Variants in PDZRN4 observed in about 807,000 individuals in gnomAD.
PDZRN4 encodes the protein PDZ domain-containing RING finger protein 4.
PDZRN4 carries 70 observed loss-of-function variants against 99.0 expected under a neutral mutation model. The observed-to-expected ratio is 0.71, with a 90% CI of 0.58 to 0.86. The LOEUF (loss-of-function observed/expected upper bound fraction) is 0.86. PDZRN4 is among the 40% of genes least tolerant of loss of function. The pLI, the probability that PDZRN4 is intolerant of heterozygous loss-of-function variation, is 0.00. For missense variants in PDZRN4, 1,474 were observed against 1,331.2 expected, an observed-to-expected ratio of 1.11 and a Z score of -1.67; for synonymous variants, 551 against 501.6, an observed-to-expected ratio of 1.10 and a Z score of -1.32.
At chr12:41,337,177 TA>T (rs1290243961) in intron 3 of PDZRN4, among the ~76,000 whole-genome samples, 1 of 152,122 alleles carries the variant, frequency 6.6e-6, no homozygotes, top group Non-Finnish European at 1.5e-5. Context: ...AAGGACAGCT[TA>T]AAAGTTAGAA....
chr12:41,243,091 AG>A (rs2120787441), intron 3 of PDZRN4, among the ~76,000 whole-genome samples: 1 of 152,210 alleles, frequency 6.6e-6, no homozygotes, highest in South Asian at 2.1e-4. Flanking sequence ...TAGATCAAAA[AG>A]TTTTTGAGTG....
At chr12:41,541,403 C>T (rs1938851660) in intron 5 of PDZRN4, among the ~76,000 whole-genome samples, 1 of 151,960 alleles carries the variant, frequency 6.6e-6, no homozygotes, top group African/African-American at 2.4e-5. Context: ...TAACCCTTAC[C>T]ACCATAGTAT....
chr12:41,188,370 C>T lies in PDZRN4; in HGVS notation c.-86C>T. The T allele has an allele frequency of 7.6e-7, 1 of 1,307,214 alleles. No homozygotes were observed. The highest frequency in any genetic ancestry group is 2.9e-5 in the Admixed American group (1 of 34,852). 81.0% of individuals were successfully genotyped at this position (1,307,214 alleles called of 1,614,324 possible). On this transcript the variant is annotated 5_prime_UTR_variant, in exon 1 of 10. Transcript: ENST00000402685. ...CTCCACTGCCGCCGCCGCGAGACGG[C>T]TGCCCCGGGGGTGGCCCGGGGAAGG...
At chr12:41,393,313 A>G (rs918865631) in intron 3 of PDZRN4, among the ~76,000 whole-genome samples, 5 of 152,198 alleles carry the variant, frequency 3.3e-5, no homozygotes, top group African/African-American at 1.2e-4. Context: ...ATGCACGAAC[A>G]TATTAGATTT....
chr12:41,207,720 A>G (rs1393654495), intron 3 of PDZRN4, among the ~76,000 whole-genome samples: 1 of 151,848 alleles, frequency 6.6e-6, no homozygotes, highest in East Asian at 1.9e-4. Context: ...TAACAAACAC[A>G]TTGGTGCAAT....
At chr12:41,414,597 G>C (rs536778049) in intron 3 of PDZRN4, among the ~76,000 whole-genome samples, 39 of 151,848 alleles carry the variant, frequency 2.6e-4, no homozygotes, top group Non-Finnish European at 5.0e-4. Flanking sequence ...AACAAAGACG[G>C]ATGTCTTCCA....
chr12:41,367,983 A>G (rs1464201688), intron 3 of PDZRN4, among the ~76,000 whole-genome samples: 1 of 152,108 alleles, frequency 6.6e-6, no homozygotes, highest in Admixed American at 6.5e-5. Flanking sequence ...AGTACAGAGT[A>G]GGAAATACGA....
intron 4 of PDZRN4, 87 bp downstream of exon 4, chr12:41,506,799 G>C (rs1938214945): frequency 6.9e-7 from 1 of 1,443,872 alleles, no homozygotes; most frequent in Non-Finnish European, 9.4e-7. Context: ...TCCACTAGCA[G>C]GTTGACAGTT....
In PDZRN4 at chr12:41,336,156, T is replaced by C. The variant is rs187566872; in HGVS notation, c.843+141968T>C. 1.3e-3 allele frequency among the ~76,000 whole-genome samples: 198 copies of C among 152,228 alleles called. 1 individual carries two copies. Among genetic ancestry groups the C allele is most frequent in the African/African-American group, 4.5e-3 (189 of 41,572 alleles). ...CTTACTATTCAACAAATCTGGCCAA[T>C]AATATGCCAAATCTTCAATGTATCC... On this transcript the variant is annotated intron_variant, in intron 3 of 9. Coordinates refer to ENST00000402685, the MANE Select transcript of PDZRN4 (RefSeq NM_001164595.2).
chr12:41,207,953 C>A (rs200722151), intron 3 of PDZRN4, among the ~76,000 whole-genome samples: 18 of 147,242 alleles, frequency 1.2e-4, no homozygotes, highest in African/African-American at 1.0e-4. Context: ...TTACAGTTTA[C>A]AAAAAAAAAA....
rs568053296 is a variant in PDZRN4 at position 41,486,078 on chromosome 12, A to G, written c.844-20378A>G. On this transcript the variant is annotated intron_variant, in intron 3 of 9. Transcript: ENST00000402685. Reference sequence around the variant, plus strand: ...TAATAGATTATCATGGACCTATGTTATAGCATAGTTCTACATATTTTTTAA... The same window carrying G: ...TAATAGATTATCATGGACCTATGTTGTAGCATAGTTCTACATATTTTTTAA... Among the ~76,000 whole-genome samples, 109 of 152,290 alleles carry G rather than the reference A, an allele frequency of 7.2e-4. 1 individual carries two copies. The highest frequency in any genetic ancestry group is 2.0e-3 in the African/African-American group (85 of 41,568).
At chr12:41,370,623 A>G (rs1432374237) in intron 3 of PDZRN4, among the ~76,000 whole-genome samples, 4 of 151,852 alleles carry the variant, frequency 2.6e-5, no homozygotes. Flanking sequence ...AAATCTGGTA[A>G]ACTCATAGCT....
At chr12:41,387,302 G>A (rs956355674) in intron 3 of PDZRN4, among the ~76,000 whole-genome samples, 4 of 152,126 alleles carry the variant, frequency 2.6e-5, no homozygotes, top group African/African-American at 9.7e-5. Flanking sequence ...AAAGTGCATA[G>A]GCCGGGTGCA....
At chr12:41,196,771 C>T (rs754078830) in intron 3 of PDZRN4, among the ~76,000 whole-genome samples, 11 of 151,956 alleles carry the variant, frequency 7.2e-5, no homozygotes, top group African/African-American at 2.4e-4. Context: ...GAGAAGAAAT[C>T]TATCAATTTA....
At chr12:41,340,645 C>A (rs1450344711) in intron 3 of PDZRN4, among the ~76,000 whole-genome samples, 3 of 151,830 alleles carry the variant, frequency 2.0e-5, no homozygotes, top group South Asian at 4.2e-4. Context: ...ACCCCCTTTA[C>A]CCTGATGTGA....
chr12:41,359,469 G>A (rs1024029665), intron 3 of PDZRN4, among the ~76,000 whole-genome samples: 1 of 151,954 alleles, frequency 6.6e-6, no homozygotes, highest in Non-Finnish European at 1.5e-5. Context: ...GACATGGTTT[G>A]GTTGTGTCCC....
chr12:41,376,381 A>T (rs1952080484), intron 3 of PDZRN4, among the ~76,000 whole-genome samples: 1 of 152,126 alleles, frequency 6.6e-6, no homozygotes, highest in Non-Finnish European at 1.5e-5. Flanking sequence ...CATCCTCATA[A>T]ACATTTGTTA....
At chr12:41,189,410 T>C (rs1045938241) in intron 1 of PDZRN4, among the ~76,000 whole-genome samples, 1 of 152,120 alleles carries the variant, frequency 6.6e-6, no homozygotes, top group Non-Finnish European at 1.5e-5. Flanking sequence ...TTTTCCATCT[T>C]TCACCCTCCT....
chr12:41,423,117 A>G (rs1342158151), intron 3 of PDZRN4, among the ~76,000 whole-genome samples: 1 of 152,010 alleles, frequency 6.6e-6, no homozygotes, highest in East Asian at 1.9e-4. Context: ...GGAGTAATTT[A>G]AGTTAGATAA....
Sources: gnomAD v4.1 joint callset for allele counts (sites outside exome capture counted in the v4.1 genomes callset) on GRCh38, gnomAD v4.1.1 for gene constraint, MANE v1.5 for transcripts, NCBI Gene and HGNC (gene_info 2026-07-23, HGNC 2026-07-21) for gene names.